The following RERE variants were observed in gnomAD, a reference collection of about 807,000 sequenced individuals.
RERE encodes arginine-glutamic acid dipeptide repeats protein.
RERE carries 40 observed loss-of-function variants against 146.1 expected under a neutral mutation model. The ratio of observed to expected loss-of-function variants is 0.27; its 90% CI spans 0.21 to 0.36. The LOEUF is 0.36. Ranked by LOEUF, RERE falls within the 10% of genes least tolerant of loss-of-function variation. The pLI, the probability that RERE is intolerant of heterozygous loss-of-function variation, is 1.00. For synonymous variants in RERE, 1,003 were observed against 866.0 expected, an observed-to-expected ratio of 1.16 and a Z score of -2.78; for missense variants, 1,933 against 2,138.7, an observed-to-expected ratio of 0.90 and a Z score of 1.90.
At chr1:8,628,917 G>A (rs147760082) in intron 2 of RERE, among the ~76,000 whole-genome samples, 160 of 152,084 alleles carry the variant, frequency 1.1e-3, no homozygotes, top group African/African-American at 3.7e-3. Flanking sequence ...AATCTCCCAC[G>A]GCCCCCAAGC....
At chr1:8,512,280 G>A (rs1186697812) in intron 7 of RERE, among the ~76,000 whole-genome samples, 2 of 151,508 alleles carry the variant, frequency 1.3e-5, no homozygotes, top group East Asian at 3.9e-4. Context: ...TGATCCACCC[G>A]CCTCGGCCTC....
chr1:8,532,245 C>T (rs1257689553), intron 7 of RERE, among the ~76,000 whole-genome samples: 1 of 152,116 alleles, frequency 6.6e-6, no homozygotes, highest in Non-Finnish European at 1.5e-5. Context: ...CATTCATGTT[C>T]ATAAGATTGA....
intron 1 of RERE, among the ~76,000 whole-genome samples, chr1:8,727,806 C>A (rs1454517713): frequency 6.6e-6 from 1 of 152,144 alleles, no homozygotes; most frequent in African/African-American, 2.4e-5. Flanking sequence ...ACCCACTATT[C>A]TTAAAGGTCA....
At chr1:8,464,250 G>A (rs572640454) in intron 11 of RERE, among the ~76,000 whole-genome samples, 19 of 152,218 alleles carry the variant, frequency 1.2e-4, no homozygotes, top group Admixed American at 3.3e-4. Flanking sequence ...AAACCCTAGG[G>A]CCATTTCAGT....
At chr1:8,559,636 G>C (rs1646054399) in intron 4 of RERE, among the ~76,000 whole-genome samples, 1 of 152,092 alleles carries the variant, frequency 6.6e-6, no homozygotes. Flanking sequence ...AGGGGATTAT[G>C]GATGTGCTAA....
intron 2 of RERE, among the ~76,000 whole-genome samples, chr1:8,627,761 T>C (rs540902291): frequency 1.3e-5 from 2 of 152,250 alleles, no homozygotes; most frequent in African/African-American, 4.8e-5. Context: ...CTAACTTACA[T>C]ACAAAAAAGC....
intron 10 of RERE, among the ~76,000 whole-genome samples, chr1:8,489,918 C>T (rs542713692): frequency 2.0e-5 from 3 of 151,870 alleles, no homozygotes; most frequent in East Asian, 3.9e-4. Context: ...GGCGTGGTGG[C>T]GAGTGCCTGT....
chr1:8,587,491 A>C (rs936827485), intron 4 of RERE, among the ~76,000 whole-genome samples: 2 of 152,144 alleles, frequency 1.3e-5, no homozygotes, highest in Admixed American at 1.3e-4. Context: ...TGTTAACTTC[A>C]CATCCCTCCC....
intron 4 of RERE, among the ~76,000 whole-genome samples, chr1:8,574,505 C>A (rs565536462): frequency 6.6e-6 from 1 of 151,826 alleles, no homozygotes. Context: ...CCACCACGCC[C>A]GGCTAATATA....
intron 12 of RERE, among the ~76,000 whole-genome samples, chr1:8,415,238 C>CT (rs1371902409): frequency 6.6e-6 from 1 of 152,186 alleles, no homozygotes; most frequent in Admixed American, 6.5e-5. Flanking sequence ...ACTTGTAAGT[C>CT]TTTCTAAAGA....
chr1:8,809,481 C>T (rs1474915805), intron 1 of RERE, among the ~76,000 whole-genome samples: 1 of 152,158 alleles, frequency 6.6e-6, no homozygotes, highest in African/African-American at 2.4e-5. Context: ...TAAAATCTTT[C>T]TTCAGACATG....
At chr1:8,584,713 T>C (rs1457574809) in intron 4 of RERE, among the ~76,000 whole-genome samples, 1 of 152,204 alleles carries the variant, frequency 6.6e-6, no homozygotes, top group African/African-American at 2.4e-5. Context: ...GCAGACATTC[T>C]ATTATCATTT....
intron 7 of RERE, chr1:8,511,958 C>T (rs1192934425): frequency 6.8e-6 from 1 of 147,596 alleles, no homozygotes; most frequent in Non-Finnish European, 1.5e-5. Context: ...GTGGTTCACA[C>T]CTCACTCATT....
intron 11 of RERE, among the ~76,000 whole-genome samples, chr1:8,433,662 G>C (rs546481428): frequency 2.7e-5 from 4 of 150,096 alleles, no homozygotes; most frequent in Admixed American, 1.3e-4. Flanking sequence ...CCGGGTTCAC[G>C]CCATTCTCCT....
chr1:8,369,353 A>C (rs1418334251), intron 12 of RERE, among the ~76,000 whole-genome samples: 1 of 152,164 alleles, frequency 6.6e-6, no homozygotes, highest in Non-Finnish European at 1.5e-5. Context: ...ATCAAGACCC[A>C]AAAGAAAGAA....
chr1:8,770,237 C>T (rs1456337569), intron 1 of RERE, among the ~76,000 whole-genome samples: 2 of 151,990 alleles, frequency 1.3e-5, no homozygotes, highest in Non-Finnish European at 2.9e-5. Flanking sequence ...ATTCTCATTT[C>T]AGAATATTAT....
intron 10 of RERE, among the ~76,000 whole-genome samples, chr1:8,474,762 T>C (rs911546526): frequency 1.3e-5 from 2 of 152,336 alleles, no homozygotes; most frequent in East Asian, 3.9e-4. Context: ...TCAAATGGCA[T>C]TGCATCTGGC....
chr1:8,782,478 G>A (rs558666653), intron 1 of RERE, among the ~76,000 whole-genome samples: 1 of 151,992 alleles, frequency 6.6e-6, no homozygotes, highest in Admixed American at 6.6e-5. Flanking sequence ...ACTTACACTT[G>A]CCACACACTC....
chr1:8,782,114 C>G (rs1167644752), intron 1 of RERE, among the ~76,000 whole-genome samples: 2 of 152,070 alleles, frequency 1.3e-5, no homozygotes, highest in African/African-American at 4.8e-5. Flanking sequence ...TCTCTTAAAC[C>G]CACTCCAATA....
Sources: gnomAD v4.1 joint callset for allele counts (sites outside exome capture counted in the v4.1 genomes callset) on GRCh38, gnomAD v4.1.1 for gene constraint, MANE v1.5 for transcripts, NCBI Gene and HGNC (gene_info 2026-07-23, HGNC 2026-07-21) for gene names.